Variants in MACROD2 observed in about 807,000 individuals in gnomAD.
MACROD2 encodes the protein ADP-ribose glycohydrolase MACROD2.
MACROD2 carries 36 observed loss-of-function variants against 70.4 expected under a neutral mutation model. The ratio of observed to expected loss-of-function variants is 0.51; its 90% CI spans 0.39 to 0.68. The LOEUF is 0.68. MACROD2 is among the 30% of genes least tolerant of loss of function. The pLI is 0.00. For synonymous variants in MACROD2, 172 were observed against 178.8 expected (o/e 0.96, Z 0.30); for missense variants, 496 against 538.4 (o/e 0.92, Z 0.78).
At chr20:14,617,703 G>A (rs1349927184) in intron 4 of MACROD2, among the ~76,000 whole-genome samples, 1 of 152,060 alleles carries the variant, frequency 6.6e-6, no homozygotes, top group Non-Finnish European at 1.5e-5. Context: ...GCTCACTCAA[G>A]TACTTCTATT....
At chr20:15,347,426 T>G (rs2146216512) in intron 6 of MACROD2, among the ~76,000 whole-genome samples, 1 of 152,232 alleles carries the variant, frequency 6.6e-6, no homozygotes, top group Non-Finnish European at 1.5e-5. Context: ...TGAGGGTGAG[T>G]GTCAGAACCC....
chr20:14,450,740 T>G (rs929070633), intron 3 of MACROD2, among the ~76,000 whole-genome samples: 19 of 152,086 alleles, frequency 1.2e-4, no homozygotes, highest in Non-Finnish European at 2.2e-4. Flanking sequence ...CTCTTAAGTT[T>G]GAAAAATACT....
chr20:14,493,806 G>GTTACAGAGTAACTATGTACATA (rs1226743533), intron 4 of MACROD2: 2 of 195,596 alleles, frequency 1.0e-5, no homozygotes, highest in Non-Finnish European at 2.1e-5. Context: ...TGTGTGCATA[G>GTTACAGAGTAACTATGTACATA]TTACAGAGTA....
intron 9 of MACROD2, among the ~76,000 whole-genome samples, chr20:15,870,235 A>ATATTAT (rs74175654): frequency 2.0e-4 from 30 of 148,946 alleles, no homozygotes; most frequent in Middle Eastern, 3.6e-3. Context: ...GTTGGGTTTT[A>ATATTAT]TATTATTATT....
chr20:15,294,216 C>G (rs1471025680), intron 6 of MACROD2, among the ~76,000 whole-genome samples: 3 of 151,888 alleles, frequency 2.0e-5, no homozygotes, highest in African/African-American at 2.4e-5. Context: ...ATTGGGCCTG[C>G]ATTTCCACTA....
At chr20:15,380,159 C>T (rs1424593217) in intron 6 of MACROD2, among the ~76,000 whole-genome samples, 3 of 138,426 alleles carry the variant, frequency 2.2e-5, no homozygotes, top group African/African-American at 9.3e-5. Context: ...CCCCATCTGT[C>T]ATTCTTTATC....
chr20:14,994,647 C>T (rs1377346054), intron 5 of MACROD2, among the ~76,000 whole-genome samples: 3 of 152,048 alleles, frequency 2.0e-5, no homozygotes, highest in South Asian at 2.1e-4. Flanking sequence ...TAGAGAAATA[C>T]GAAAATGAAT....
intron 4 of MACROD2, among the ~76,000 whole-genome samples, chr20:14,534,494 A>C (rs901221809): frequency 6.6e-6 from 1 of 152,208 alleles, no homozygotes; most frequent in African/African-American, 2.4e-5. Flanking sequence ...TCTACTTAAT[A>C]ATGTATGTTA....
At chr20:14,254,759 TTA>T (rs1359035033) in intron 3 of MACROD2, among the ~76,000 whole-genome samples, 28 of 152,180 alleles carry the variant, frequency 1.8e-4, no homozygotes, top group African/African-American at 6.5e-4. Context: ...GTTAATATTG[TTA>T]TGTGTGAATT....
intron 6 of MACROD2, among the ~76,000 whole-genome samples, chr20:15,330,076 G>A (rs567273794): frequency 2.0e-5 from 3 of 151,938 alleles, no homozygotes; most frequent in South Asian, 2.1e-4. Context: ...ATACTTCTCC[G>A]GGACTGTCCA....
intron 3 of MACROD2, among the ~76,000 whole-genome samples, chr20:14,229,914 G>A (rs1221574856): frequency 6.6e-6 from 1 of 152,112 alleles, no homozygotes; most frequent in African/African-American, 2.4e-5. Context: ...AATAAATTGA[G>A]TATAGCAATA....
intron 5 of MACROD2, among the ~76,000 whole-genome samples, chr20:15,007,371 A>G (rs1350647315): frequency 1.3e-5 from 2 of 150,432 alleles, no homozygotes; most frequent in Non-Finnish European, 3.0e-5. Context: ...CTCAAAAACA[A>G]AAACAAACAA....
rs146141352 is a variant in MACROD2 at position 15,837,432 on chromosome 20, T to C, written c.646-25313T>C. On this transcript the variant is annotated intron_variant, in intron 8 of 17. Coordinates refer to ENST00000684519, the MANE Select transcript of MACROD2 (RefSeq NM_001351661.2). ...CTGTCTGCAACACTACAGACTCGTA[T>C]CTACCTCCAACATGAGCCTCTCTTG... Among the ~76,000 whole-genome samples the C allele has an allele frequency of 2.7e-3, 413 of 152,260 alleles. 1 individual carries two copies. The highest frequency in any genetic ancestry group is 8.7e-3 in the East Asian group (45 of 5,166).
chr20:14,662,053 G>T (rs1350549985), intron 4 of MACROD2, among the ~76,000 whole-genome samples: 1 of 152,050 alleles, frequency 6.6e-6, no homozygotes, highest in Non-Finnish European at 1.5e-5. Flanking sequence ...ATTTTAGTTG[G>T]ATTGGATTCT....
chr20:14,794,240 T>A (rs550239857), intron 5 of MACROD2, among the ~76,000 whole-genome samples: 58 of 152,172 alleles, frequency 3.8e-4, no homozygotes, highest in Non-Finnish European at 7.6e-4. Context: ...AAGTAAACAT[T>A]TGTAGTTATA....
intron 15 of MACROD2, among the ~76,000 whole-genome samples, chr20:16,017,203 G>C (rs2066941408): frequency 6.6e-6 from 1 of 152,152 alleles, no homozygotes; most frequent in Admixed American, 6.6e-5. Context: ...TCTTCAAACA[G>C]TATAAGCGTA....
At chr20:15,026,335 T>C (rs776777739) in intron 5 of MACROD2, among the ~76,000 whole-genome samples, 1 of 152,180 alleles carries the variant, frequency 6.6e-6, no homozygotes, top group Non-Finnish European at 1.5e-5. Context: ...GAATACCATA[T>C]AAACCATTCC....
chr20:14,205,374 A>G (rs988897028), intron 3 of MACROD2, among the ~76,000 whole-genome samples: 2 of 152,136 alleles, frequency 1.3e-5, no homozygotes, highest in African/African-American at 4.8e-5. Context: ...ATTAAGCACA[A>G]AGGAAACCCC....
intron 5 of MACROD2, among the ~76,000 whole-genome samples, chr20:14,712,087 T>A (rs892035732): frequency 6.6e-6 from 1 of 152,140 alleles, no homozygotes; most frequent in Admixed American, 6.6e-5. Context: ...TTTTCAAGAT[T>A]GGGTCAATTT....
Sources: allele counts gnomAD v4.1 joint callset (sites outside exome capture counted in the v4.1 genomes callset), GRCh38; gene constraint gnomAD v4.1.1; transcripts MANE v1.5; gene names NCBI Gene and HGNC (gene_info 2026-07-23, HGNC 2026-07-21).